LRRC69: variants seen among roughly 807,000 people sequenced by gnomAD.
LRRC69 encodes the protein leucine rich repeat containing 69.
LRRC69 carries 42 observed loss-of-function variants against 37.8 expected under a neutral mutation model. That is an observed-to-expected ratio of 1.11 (90% CI 0.87 to 1.44). The LOEUF is 1.44. Among genes scored for constraint, LRRC69 ranks in the 40% most tolerant of loss-of-function variants. The pLI is 0.00. For missense variants in LRRC69, 357 were observed against 401.9 expected, an observed-to-expected ratio of 0.89 and a Z score of 0.96; for synonymous variants, 141 against 143.1, an observed-to-expected ratio of 0.99 and a Z score of 0.11.
chr8:91,131,235 C>CTTTTTT (rs35337686), intron 3 of LRRC69, among the ~76,000 whole-genome samples: 22 of 140,188 alleles, frequency 1.6e-4, no homozygotes, highest in East Asian at 4.1e-4. Flanking sequence ...ATTGATTTGT[C>CTTTTTT]TTTTTTTTTT....
At chr8:91,120,354 C>T (rs1001771794) in intron 1 of LRRC69, among the ~76,000 whole-genome samples, 1 of 152,034 alleles carries the variant, frequency 6.6e-6, no homozygotes, top group East Asian at 1.9e-4. Context: ...TCTGGGAAAT[C>T]CTGAAACATA....
At chr8:91,118,613 A>G (rs556337659) in intron 1 of LRRC69, 10 of 187,516 alleles carry the variant, frequency 5.3e-5, no homozygotes, top group African/African-American at 2.2e-4. Flanking sequence ...CTTTCAATCT[A>G]TAGCAATCAG....
chr8:91,206,649 A>C, intron 7 of LRRC69: 1 of 1,284,648 alleles, frequency 7.8e-7, no homozygotes, highest in Non-Finnish European at 1.0e-6. Flanking sequence ...CCCTCTCAAA[A>C]CCATCTGATG....
intron 5 of LRRC69, among the ~76,000 whole-genome samples, chr8:91,137,558 C>T (rs934887479): frequency 6.6e-6 from 1 of 151,974 alleles, no homozygotes; most frequent in Non-Finnish European, 1.5e-5. Context: ...TGTTAATTGA[C>T]CGTTTCTTCT....
At chr8:91,173,776 A>C (rs1323777228) in intron 5 of LRRC69, among the ~76,000 whole-genome samples, 2 of 152,158 alleles carry the variant, frequency 1.3e-5, no homozygotes, top group African/African-American at 4.8e-5. Flanking sequence ...CTTATGTGGT[A>C]GAAGGGTAGA....
intron 5 of LRRC69, among the ~76,000 whole-genome samples, chr8:91,160,645 CCTTTAT>C: frequency 6.6e-6 from 1 of 151,232 alleles, no homozygotes; most frequent in East Asian, 2.0e-4. Flanking sequence ...CCTTGCTTCC[CCTTTAT>C]CTTCTTCCAT....
At chr8:91,153,474 C>T (rs546488566) in intron 5 of LRRC69, among the ~76,000 whole-genome samples, 1 of 151,990 alleles carries the variant, frequency 6.6e-6, no homozygotes, top group East Asian at 1.9e-4. Flanking sequence ...TAAAGCACTC[C>T]TCAGCAAATT....
chr8:91,148,718 A>G (rs1808670316), intron 5 of LRRC69, among the ~76,000 whole-genome samples: 3 of 151,934 alleles, frequency 2.0e-5, no homozygotes, highest in East Asian at 1.9e-4. Flanking sequence ...AAGCGTTCCT[A>G]TTTCTCCACA....
intron 1 of LRRC69, among the ~76,000 whole-genome samples, chr8:91,111,513 G>T (rs1813409996): frequency 6.6e-6 from 1 of 151,922 alleles, no homozygotes; most frequent in African/African-American, 2.4e-5. Flanking sequence ...CAGCCTGGGT[G>T]ACAAAGTGAG....
At chr8:91,102,621 A>C (rs1734018625), upstream of LRRC69, 8 of 1,469,148 alleles carry the variant, frequency 5.4e-6, no homozygotes, top group Admixed American at 2.2e-5. Flanking sequence ...ATAATAAAGA[A>C]CTCTAATGGT....
intron 5 of LRRC69, among the ~76,000 whole-genome samples, chr8:91,135,980 A>G (rs935914081): frequency 3.9e-5 from 6 of 151,970 alleles, no homozygotes; most frequent in Non-Finnish European, 5.9e-5. Flanking sequence ...ATATTTTAAT[A>G]TATCAGCTAT....
intron 5 of LRRC69, among the ~76,000 whole-genome samples, chr8:91,141,415 T>A (rs9969428): frequency 0.033 from 4,957 of 152,174 alleles, 251 homozygotes; most frequent in African/African-American, 0.11. Flanking sequence ...AGGTTCAGGG[T>A]GGATATGAAT....
chr8:91,109,231 A>C (rs1333321826), intron 1 of LRRC69, among the ~76,000 whole-genome samples: 1 of 152,078 alleles, frequency 6.6e-6, no homozygotes, highest in Non-Finnish European at 1.5e-5. Context: ...CCCCTGCTGG[A>C]AATGCAGCTT....
chr8:91,184,371 C>T (rs965924481), intron 5 of LRRC69, among the ~76,000 whole-genome samples: 14 of 152,090 alleles, frequency 9.2e-5, no homozygotes, highest in African/African-American at 3.4e-4. Context: ...GGAGAAATTC[C>T]TATAAGAATT....
chr8:91,153,316 T>C (rs1808774765), intron 5 of LRRC69, among the ~76,000 whole-genome samples: 1 of 151,090 alleles, frequency 6.6e-6, no homozygotes, highest in South Asian at 2.1e-4. Context: ...AGACAGAAAA[T>C]TAACAAGGAT....
chr8:91,135,527 A>G (rs1409758720), intron 4 of LRRC69, 141 bp from the exon 5 acceptor site: 3 of 496,218 alleles, frequency 6.0e-6, no homozygotes, highest in Non-Finnish European at 1.1e-5. Flanking sequence ...GCTCGGGAAG[A>G]TGTGCTGAAG....
At chr8:91,171,016 A>G (rs1044090586) in intron 5 of LRRC69, among the ~76,000 whole-genome samples, 1 of 150,384 alleles carries the variant, frequency 6.6e-6, no homozygotes, top group Non-Finnish European at 1.5e-5. Flanking sequence ...ACAAAGGGCT[A>G]ATATCCAGAA....
intron 6 of LRRC69, among the ~76,000 whole-genome samples, chr8:91,198,962 G>T (rs946697163): frequency 1.3e-5 from 2 of 152,128 alleles, no homozygotes; most frequent in Non-Finnish European, 2.9e-5. Flanking sequence ...ATAAATAATA[G>T]TTGATGTAAG....
At chr8:91,152,447 G>A (rs1246864521) in intron 5 of LRRC69, among the ~76,000 whole-genome samples, 1 of 151,428 alleles carries the variant, frequency 6.6e-6, no homozygotes, top group East Asian at 1.9e-4. Context: ...TAGATTTGAG[G>A]TCTTATTTCT....
Sources: allele counts gnomAD v4.1 joint callset (sites outside exome capture counted in the v4.1 genomes callset), GRCh38; gene constraint gnomAD v4.1.1; transcripts MANE v1.5; gene names NCBI Gene and HGNC (gene_info 2026-07-23, HGNC 2026-07-21).